The following C3orf20 variants were observed in gnomAD, a reference collection of about 807,000 sequenced individuals.
C3orf20 encodes the protein family with sequence similarity 149 member C, also known as uncharacterized protein C3orf20.
Under a neutral mutation model 88.3 loss-of-function variants are expected in C3orf20, and 76 were observed. The observed-to-expected ratio is 0.86, with a 90% CI of 0.72 to 1.04. The LOEUF is 1.04. Among genes scored for constraint, C3orf20 ranks in the 50% least tolerant of loss-of-function variants. The pLI, the probability that C3orf20 is intolerant of heterozygous loss-of-function variation, is 0.00. For synonymous variants in C3orf20, 436 were observed against 437.4 expected (o/e 1.00, Z 0.04); for missense variants, 1,056 against 1,123.3 (o/e 0.94, Z 0.86).
intron 14 of C3orf20, among the ~76,000 whole-genome samples, chr3:14,761,232 C>T (rs923057901): frequency 5.3e-5 from 8 of 151,072 alleles, no homozygotes; most frequent in Non-Finnish European, 8.9e-5. Flanking sequence ...TGACCAGGCC[C>T]CCAGATCATA....
At chr3:14,770,618 C>T (rs915329771) in intron 15 of C3orf20, among the ~76,000 whole-genome samples, 1 of 152,194 alleles carries the variant, frequency 6.6e-6, no homozygotes, top group African/African-American at 2.4e-5. Flanking sequence ...CAAGCCCCCT[C>T]CCCAAGCCAT....
In C3orf20 at chr3:14,704,525, A is replaced by G. The variant is rs1429388005; in HGVS notation, c.1067A>G (p.Asn356Ser). The G allele has an allele frequency of 6.2e-7, 1 of 1,614,116 alleles. No homozygotes were observed. Among genetic ancestry groups the G allele is most frequent in the Non-Finnish European group, 8.5e-7 (1 of 1,180,024 alleles). The change falls in exon 7 of 17, where the codon AAC becomes AGC. Residue 356 changes from asparagine to serine, a missense_variant. Coordinates refer to ENST00000253697, the MANE Select transcript of C3orf20 (RefSeq NM_032137.5). The stretch of plus-strand genomic sequence containing the variant: ...CCCACCTCTCACCCATCTTCTGCCA[A>G]CCATCATTTCAGTCAGCATTGTCAA... ...LSPTSHPSSA[N>S]HHFSQHCQEG...
In C3orf20 at chr3:14,683,122, T is replaced by A; in HGVS notation, c.409T>A (p.Phe137Ile). 1.2e-6 allele frequency: 2 copies of A among 1,613,982 alleles called. No homozygotes were observed. Among genetic ancestry groups the A allele is most frequent in the Non-Finnish European group, 1.7e-6 (2 of 1,179,970 alleles). The change falls in exon 3 of 17, where the codon TTT (phenylalanine) becomes ATT (isoleucine). Residue 137 changes from phenylalanine to isoleucine, a missense_variant. By Grantham distance (21) the Phe-to-Ile change is conservative (BLOSUM62 0). Coordinates refer to ENST00000253697, the MANE Select transcript of C3orf20 (RefSeq NM_032137.5). ...VRTHQETLNR[F>I]QQQSIHLLTE... Reference sequence around the variant, plus strand: ...CACCCACCAGGAGACCCTGAACAGGTTTCAGCAGCAGTCCATCCACCTGCT... The same window carrying A: ...CACCCACCAGGAGACCCTGAACAGGATTCAGCAGCAGTCCATCCACCTGCT...
intron 10 of C3orf20, among the ~76,000 whole-genome samples, chr3:14,722,929 C>T (rs1238446515): frequency 6.6e-6 from 1 of 152,184 alleles, no homozygotes; most frequent in East Asian, 1.9e-4. Context: ...TTGACCTCAA[C>T]ACAAGATGGG....
chr3:14,757,771 C>A, intron 13 of C3orf20, 97 bp downstream of exon 13: 1 of 1,215,706 alleles, frequency 8.2e-7, no homozygotes, highest in Non-Finnish European at 1.1e-6. Context: ...GGCTGAGCAC[C>A]TGCCTGAGGG....
intron 12 of C3orf20, among the ~76,000 whole-genome samples, chr3:14,729,979 C>T (rs539296442): frequency 1.5e-3 from 235 of 152,306 alleles, no homozygotes; most frequent in Non-Finnish European, 2.5e-3. Flanking sequence ...ACAAAGTAAA[C>T]ATATCCTATA....
At chr3:14,713,828 C>T (rs67192254) in intron 7 of C3orf20, among the ~76,000 whole-genome samples, 179 bp from the exon 8 acceptor site, 30,958 of 152,136 alleles carry the variant, frequency 0.2, 3,283 homozygotes, top group Non-Finnish European at 0.22. Flanking sequence ...GCAGCTAGGT[C>T]ATCGTTGGGT....
rs190605304 is a variant in C3orf20 at position 14,716,088 on chromosome 3, A to G, written c.1434+679A>G. Among the ~76,000 whole-genome samples, 62 of 152,338 alleles carry G rather than the reference A, an allele frequency of 4.1e-4. No homozygotes were observed. The East Asian group carries it at 5.4e-3, about 13-fold the overall frequency. Reference sequence around the variant, plus strand: ...GGATACTTCTTTGGTATAACTGTGCATTGTAAGATGTTTAGCATCCCACTA... The same window carrying G: ...GGATACTTCTTTGGTATAACTGTGCGTTGTAAGATGTTTAGCATCCCACTA... On this transcript the variant is annotated intron_variant, in intron 9 of 16. Coordinates refer to ENST00000253697, the MANE Select transcript of C3orf20 (RefSeq NM_032137.5).
chr3:14,735,945 CTTT>C (rs895267860), intron 12 of C3orf20, among the ~76,000 whole-genome samples: 1 of 152,116 alleles, frequency 6.6e-6, no homozygotes, highest in Non-Finnish European at 1.5e-5. Flanking sequence ...CACATATTTA[CTTT>C]TTTCATTGTT....
intron 12 of C3orf20, among the ~76,000 whole-genome samples, chr3:14,745,333 G>A (rs553492016): frequency 1.3e-5 from 2 of 152,318 alleles, no homozygotes; most frequent in Admixed American, 1.3e-4. Flanking sequence ...TCTCCTGCTG[G>A]TGCCCCTACT....
At position 14,701,583 on chromosome 3, in the gene C3orf20, G is replaced by T. The variant is rs543743503; in HGVS notation, c.746-1547G>T. Reference sequence around the variant, plus strand: ...ATTAGTATCACAGGCACAGATCGTTGTCATCCAGGTCATGCAGATCATTGT... The same window carrying T: ...ATTAGTATCACAGGCACAGATCGTTTTCATCCAGGTCATGCAGATCATTGT... On this transcript the variant is annotated intron_variant, in intron 5 of 16. Coordinates refer to ENST00000253697, the MANE Select transcript of C3orf20 (RefSeq NM_032137.5). The surrounding 1 kb of genome is among the most constrained non-coding windows in gnomAD (Gnocchi z 4.6). 1.2e-4 allele frequency among the ~76,000 whole-genome samples: 18 copies of T among 152,284 alleles called. No homozygotes were observed. The highest frequency in any genetic ancestry group is 4.3e-4 in the African/African-American group (18 of 41,554).
In C3orf20 at chr3:14,715,281, T is replaced by C; in HGVS notation, c.1314-8T>C. 1 of 1,610,650 alleles carries C rather than the reference T, an allele frequency of 6.2e-7. No individual in the cohort carries two copies. Among genetic ancestry groups the C allele is most frequent in the Non-Finnish European group, 8.5e-7 (1 of 1,178,844 alleles). On this transcript the variant is annotated splice_polypyrimidine_tract_variant and splice_region_variant and intron_variant, in intron 8 of 16. Transcript: ENST00000253697. ...GGTGGCAGCTACTCACTTCTGTATC[T>C]CTCCTAGTTGCCCATATGTCTTAAT...
intron 12 of C3orf20, among the ~76,000 whole-genome samples, chr3:14,732,658 G>A (rs536851549): frequency 3.9e-5 from 6 of 152,130 alleles, no homozygotes; most frequent in Non-Finnish European, 7.4e-5. Context: ...CTGCCATCTC[G>A]TGAGTTGAGG....
intron 12 of C3orf20, among the ~76,000 whole-genome samples, chr3:14,741,926 G>T (rs9864566): frequency 0.015 from 2,348 of 152,240 alleles, 57 homozygotes; most frequent in African/African-American, 0.054. Context: ...CATAGAAAGG[G>T]GCAGTAACTC....
In C3orf20 at chr3:14,728,447, A is replaced by C. The variant is rs1234745017; in HGVS notation, c.1699A>C (p.Thr567Pro). ...NSILLAAGLF[T>P]IEYPTKKEEE... ...GCATCTTCTGTTAACAGGTCTGTTTACCATTGAATATCCCACCAAAAAGGA... is the reference window on the plus strand; with the variant it reads ...GCATCTTCTGTTAACAGGTCTGTTTCCCATTGAATATCCCACCAAAAAGGA... The change falls in exon 12 of 17, where the codon ACC becomes CCC. Residue 567 changes from threonine to proline, a missense_variant. Transcript: ENST00000253697. 1.2e-6 allele frequency: 2 copies of C among 1,614,188 alleles called. No homozygotes were observed. The highest frequency in any genetic ancestry group is 1.7e-5 in the Admixed American group (1 of 60,022).
intron 12 of C3orf20, among the ~76,000 whole-genome samples, chr3:14,739,645 A>C (rs1482791249): frequency 6.6e-6 from 1 of 152,238 alleles, no homozygotes; most frequent in Non-Finnish European, 1.5e-5. Flanking sequence ...TAGCTATGTA[A>C]GTCCTAGGTG....
At chr3:14,709,136 A>T (rs1178637512) in intron 7 of C3orf20, among the ~76,000 whole-genome samples, 3 of 96,806 alleles carry the variant, frequency 3.1e-5, no homozygotes, top group African/African-American at 1.1e-4. Flanking sequence ...ACATTGCCAA[A>T]TTAAATTAAA....
At position 14,704,480 on chromosome 3, in the gene C3orf20, C is replaced by T; in HGVS notation, c.1022C>T (p.Ala341Val). The T allele has an allele frequency of 6.2e-7, 1 of 1,614,176 alleles. No individual in the cohort carries two copies. The highest frequency in any genetic ancestry group is 8.5e-7 in the Non-Finnish European group (1 of 1,180,020). ...CCGGGTTTACATTACCCTCCCACTGCAGGTGCTCAGACTCTCAGCCCCACC... is the reference window on the plus strand; with the variant it reads ...CCGGGTTTACATTACCCTCCCACTGTAGGTGCTCAGACTCTCAGCCCCACC... Reference protein sequence around the residue: ...QTPGLHYPPTAGAQTLSPTSH... With the variant: ...QTPGLHYPPTVGAQTLSPTSH... The change falls in exon 7 of 17, where the codon GCA becomes GTA. Residue 341 changes from alanine to valine, a missense_variant. By Grantham distance (64) the Ala-to-Val change is moderately conservative (BLOSUM62 0). Coordinates refer to ENST00000253697, the MANE Select transcript of C3orf20 (RefSeq NM_032137.5).
At position 14,742,102 on chromosome 3, in the gene C3orf20, T is replaced by C. The variant is rs115736320; in HGVS notation, c.1940+13414T>C. 4.4e-3 allele frequency among the ~76,000 whole-genome samples: 668 copies of C among 152,342 alleles called. 2 individuals are homozygous for C. The highest frequency in any genetic ancestry group is 0.017 in the Middle Eastern group (5 of 294). ...AGTGGAAGCAAACTAGTTAGAAGAC[T>C]GTTTTAGTAATCTATTAAGTTGGTG... On this transcript the variant is annotated intron_variant, in intron 12 of 16. Coordinates refer to ENST00000253697, the MANE Select transcript of C3orf20 (RefSeq NM_032137.5).
Sources: allele counts gnomAD v4.1 joint callset (sites outside exome capture counted in the v4.1 genomes callset), GRCh38; gene constraint gnomAD v4.1.1; non-coding constraint Gnocchi (gnomAD v3.1); transcripts MANE v1.5; gene names NCBI Gene and HGNC (gene_info 2026-07-23, HGNC 2026-07-21).